Variants in CD8B observed in about 807,000 individuals in gnomAD.
The protein encoded by CD8B is CD8 subunit beta.
A neutral mutation model predicts 24.2 loss-of-function variants in CD8B; 6 were observed. The ratio of observed to expected loss-of-function variants is 0.25; its 90% CI spans 0.14 to 0.49. CD8B has a LOEUF of 0.49. Among genes scored for constraint, CD8B ranks in the 20% least tolerant of loss-of-function variants. The probability of loss-of-function intolerance (pLI) is 0.98; values close to 1 mark genes in which losing one functional copy is unlikely to be tolerated. For synonymous variants in CD8B, 84 were observed against 108.3 expected (o/e 0.78, Z 1.39); for missense variants, 196 against 271.3 (o/e 0.72, Z 1.95).
At chr2:86,854,982 G>A (rs539977915) in intron 2 of CD8B, among the ~76,000 whole-genome samples, 3 of 152,064 alleles carry the variant, frequency 2.0e-5, no homozygotes, top group Admixed American at 1.3e-4. Context: ...TTAGTTGGGC[G>A]TGGTGGCACG....
intron 5 of CD8B, among the ~76,000 whole-genome samples, chr2:86,830,641 A>C (rs1019052853): frequency 6.6e-6 from 1 of 152,072 alleles, no homozygotes; most frequent in Admixed American, 6.6e-5. Flanking sequence ...TATTCATAGA[A>C]GTGAAATTGC....
chr2:86,836,070 A>G (rs968081298), downstream of CD8B, among the ~76,000 whole-genome samples: 2 of 148,866 alleles, frequency 1.3e-5, no homozygotes, highest in African/African-American at 2.5e-5. Flanking sequence ...TACTTGGCAG[A>G]GTAAACATCC....
rs1675287045 is a variant in CD8B at position 86,838,709 on chromosome 2, C to T, written c.*3598G>A. On this transcript the variant is annotated 3_prime_UTR_variant, in exon 6 of 6. Coordinates refer to ENST00000390655, the MANE Select transcript of CD8B (RefSeq NM_004931.5). ...TAGAGTCGAGGTCTTGCTATGTTGC[C>T]TAGGCTGCTCTCAAACTCCTGAGCT... Among the ~76,000 whole-genome samples the T allele has an allele frequency of 6.6e-6, 1 of 152,106 alleles. No individual in the cohort carries two copies. Among genetic ancestry groups the T allele is most frequent in the Non-Finnish European group, 1.5e-5 (1 of 68,018 alleles).
At chr2:86,836,984 C>T (rs1409918117), downstream of CD8B, among the ~76,000 whole-genome samples, 2 of 152,070 alleles carry the variant, frequency 1.3e-5, no homozygotes, top group Non-Finnish European at 2.9e-5. Context: ...GGGGAAACCC[C>T]ATCTCTACCA....
At chr2:86,830,802 G>T (rs1442299729) in intron 5 of CD8B, among the ~76,000 whole-genome samples, 1 of 151,846 alleles carries the variant, frequency 6.6e-6, no homozygotes, top group Non-Finnish European at 1.5e-5. Context: ...CTATATTATG[G>T]TACAATCTGG....
chr2:86,821,212 T>G (rs924053056), intron 5 of CD8B, among the ~76,000 whole-genome samples: 1 of 152,124 alleles, frequency 6.6e-6, no homozygotes, highest in Non-Finnish European at 1.5e-5. Flanking sequence ...TCTCCCAAGT[T>G]TTTCATCAAA....
chr2:86,817,555 AAAT>A (rs1373066866), intron 5 of CD8B, among the ~76,000 whole-genome samples: 2 of 152,208 alleles, frequency 1.3e-5, no homozygotes, highest in Non-Finnish European at 2.9e-5. Context: ...TATTTATAAA[AAAT>A]AAAAGCACAT....
intron 2 of CD8B, among the ~76,000 whole-genome samples, chr2:86,855,876 G>T (rs1252611911): frequency 6.6e-6 from 1 of 152,238 alleles, no homozygotes; most frequent in Admixed American, 6.5e-5. Flanking sequence ...GGAGACTCAG[G>T]TTGGGGGACT....
At chr2:86,823,033 A>G (rs1394513801) in intron 5 of CD8B, among the ~76,000 whole-genome samples, 1 of 152,136 alleles carries the variant, frequency 6.6e-6, no homozygotes, top group Non-Finnish European at 1.5e-5. Flanking sequence ...GGCATTAAGT[A>G]TATTTATATT....
intron 3 of CD8B, among the ~76,000 whole-genome samples, chr2:86,851,090 CAA>C (rs111384074): frequency 6.6e-5 from 7 of 106,724 alleles, no homozygotes; most frequent in African/African-American, 7.1e-5. Context: ...GACTCCATTT[CAA>C]AAAAAAAAAA....
intron 1 of CD8B, 47 bp downstream of exon 1, chr2:86,861,776 G>A: frequency 8.1e-7 from 1 of 1,241,606 alleles, no homozygotes; most frequent in South Asian, 3.4e-5. Flanking sequence ...CCCCGCTCAG[G>A]CCCCGGGAGC....
intron 1 of CD8B, 103 bp from the exon 2 acceptor site, chr2:86,858,519 A>T (rs1676402931): frequency 1.4e-6 from 2 of 1,447,916 alleles, no homozygotes; most frequent in African/African-American, 1.5e-5. Flanking sequence ...CCATGGAAGG[A>T]CCTGCCCAGT....
intron 2 of CD8B, among the ~76,000 whole-genome samples, chr2:86,853,887 G>A (rs6723497): frequency 1.9e-4 from 29 of 151,914 alleles, no homozygotes; most frequent in Admixed American, 7.2e-4. Flanking sequence ...TGCATTCGTC[G>A]TGCCACTGCA....
chr2:86,846,547 C>A, intron 4 of CD8B, 137 bp downstream of exon 4: 1 of 595,928 alleles, frequency 1.7e-6, no homozygotes, highest in East Asian at 3.1e-5. Context: ...AGAACTACCT[C>A]TGGAAATACC....
rs1477196749 is a variant in CD8B, at chr2:86,840,899, T to C, written c.*1408A>G. On this transcript the variant is annotated 3_prime_UTR_variant, in exon 6 of 6. Transcript: ENST00000390655. ...TTCCCCAGAGTCGTCTTTCCTTTCC[T>C]GTTTTTTTTGTAACATTTCTTACAT... 3.3e-5 allele frequency among the ~76,000 whole-genome samples: 5 copies of C among 152,182 alleles called. No individual in the cohort carries two copies. Among genetic ancestry groups the C allele is most frequent in the African/African-American group, 4.8e-5 (2 of 41,464 alleles).
intron 5 of CD8B, among the ~76,000 whole-genome samples, chr2:86,820,541 T>G (rs766680099): frequency 5.2e-4 from 79 of 152,234 alleles, no homozygotes; most frequent in Non-Finnish European, 1.0e-3. Context: ...ACGTACTTTT[T>G]TTTTCAGACA....
intron 3 of CD8B, among the ~76,000 whole-genome samples, chr2:86,848,723 T>TATTTATTTATTTATTTATTA (rs1675818779): frequency 9.6e-6 from 1 of 103,800 alleles, no homozygotes; most frequent in African/African-American, 4.0e-5. Flanking sequence ...TTTATTTATT[T>TATTTATTTATTTATTTATTA]ATTTATTTTT....
intron 2 of CD8B, 83 bp from the exon 3 acceptor site, chr2:86,853,169 G>A: frequency 6.5e-7 from 1 of 1,547,836 alleles, no homozygotes; most frequent in Non-Finnish European, 8.7e-7. Flanking sequence ...TATGGCGGGT[G>A]CGGTGGCTCA....
At chr2:86,827,665 G>A (rs1405006707) in intron 5 of CD8B, among the ~76,000 whole-genome samples, 1 of 152,016 alleles carries the variant, frequency 6.6e-6, no homozygotes, top group African/African-American at 2.4e-5. Context: ...ATGGGGCAGG[G>A]TTGCTGTAAA....
Sources: gnomAD v4.1 joint callset for allele counts (sites outside exome capture counted in the v4.1 genomes callset) on GRCh38, gnomAD v4.1.1 for gene constraint, MANE v1.5 for transcripts, NCBI Gene and HGNC (gene_info 2026-07-23, HGNC 2026-07-21) for gene names.